The following GFRAL variants were observed in gnomAD, a reference collection of about 807,000 sequenced individuals.
The protein encoded by GFRAL is GDNF family receptor alpha-like.
In GFRAL, 36 loss-of-function variants were observed where a neutral mutation model predicts 45.4. That is an observed-to-expected ratio of 0.79 (90% confidence interval 0.61 to 1.05). The LOEUF is 1.05. GFRAL is among the 50% of genes least tolerant of loss of function. The pLI is 0.00. For synonymous variants in GFRAL, 166 were observed against 154.1 expected (o/e 1.08, Z -0.57); for missense variants, 507 against 467.5 (o/e 1.08, Z -0.78).
At chr6:55,343,143 C>A (rs139414899) in intron 3 of GFRAL, among the ~76,000 whole-genome samples, 1,988 of 152,216 alleles carry the variant, frequency 0.013, 23 homozygotes, top group Non-Finnish European at 0.022. Context: ...ACAAGGATAT[C>A]CAGGAATTGA....
chr6:55,336,004 GC>G (rs535440123), intron 3 of GFRAL, among the ~76,000 whole-genome samples: 51 of 152,092 alleles, frequency 3.4e-4, no homozygotes, highest in African/African-American at 1.2e-3. Flanking sequence ...GAGCATAGTG[GC>G]CCAATCTTCA....
At chr6:55,329,589 CAA>C (rs1767805426) in intron 1 of GFRAL, among the ~76,000 whole-genome samples, 1 of 152,056 alleles carries the variant, frequency 6.6e-6, no homozygotes, top group African/African-American at 2.4e-5. Flanking sequence ...GTGCTAGGAT[CAA>C]AAGAGTCCTC....
chr6:55,341,432 G>A (rs1767963952), intron 3 of GFRAL, among the ~76,000 whole-genome samples: 1 of 152,204 alleles, frequency 6.6e-6, no homozygotes, highest in African/African-American at 2.4e-5. Flanking sequence ...TGGACCTCCA[G>A]CAAAGTCCAA....
In GFRAL at chr6:55,401,924, C is replaced by T. The variant is rs12529201; in HGVS notation, c.*71C>T. ...TTTCTTCTTTCCTCTTTTCTTCTCT[C>T]CTCTCCTCTCCTCTCTTCTCCTCTC... On this transcript the variant is annotated 3_prime_UTR_variant, in exon 9 of 9. Transcript: ENST00000340465. The T allele has an allele frequency of 0.71, 586,899 of 832,166 alleles. 208,024 individuals carry two copies. Among genetic ancestry groups the T allele is most frequent in the East Asian group, 0.8 (31,647 of 39,442 alleles). The allele number at this position is 832,166 out of a possible 1,614,324, so 51.5% of individuals were successfully genotyped here.
chr6:55,378,216 G>A (rs1361792552), intron 6 of GFRAL, among the ~76,000 whole-genome samples: 1 of 151,962 alleles, frequency 6.6e-6, no homozygotes, highest in Non-Finnish European at 1.5e-5. Flanking sequence ...AGCACTCTTA[G>A]GTTGCAGCTG....
intron 2 of GFRAL, among the ~76,000 whole-genome samples, chr6:55,332,555 C>T (rs1015056950): frequency 2.0e-5 from 3 of 152,002 alleles, no homozygotes; most frequent in Non-Finnish European, 4.4e-5. Flanking sequence ...TCCAGAGTAG[C>T]TGGGACTACA....
intron 8 of GFRAL, among the ~76,000 whole-genome samples, chr6:55,400,018 T>C (rs1394214983): frequency 6.6e-6 from 1 of 152,170 alleles, no homozygotes; most frequent in Non-Finnish European, 1.5e-5. Context: ...AATGTAGTAA[T>C]GCTCCAGCAG....
intron 3 of GFRAL, among the ~76,000 whole-genome samples, chr6:55,335,825 C>G (rs1031264745): frequency 9.9e-5 from 15 of 152,112 alleles, no homozygotes; most frequent in African/African-American, 3.6e-4. Flanking sequence ...CACAGAAAGT[C>G]TTGAAATCAA....
At chr6:55,371,080 T>A (rs913565527) in intron 6 of GFRAL, among the ~76,000 whole-genome samples, 3 of 152,178 alleles carry the variant, frequency 2.0e-5, no homozygotes, top group African/African-American at 7.2e-5. Context: ...AATCCACAGA[T>A]ATATATTTTT....
At chr6:55,365,820 T>A (rs1409729042) in intron 6 of GFRAL, among the ~76,000 whole-genome samples, 5 of 146,826 alleles carry the variant, frequency 3.4e-5, no homozygotes, top group African/African-American at 1.3e-4. Context: ...AGCTTTTGGA[T>A]GTGCTGCTGG....
At chr6:55,379,097 T>G (rs1359265351) in intron 6 of GFRAL, among the ~76,000 whole-genome samples, 1 of 152,044 alleles carries the variant, frequency 6.6e-6, no homozygotes, top group African/African-American at 2.4e-5. Flanking sequence ...TGAGATTAAG[T>G]GTATAAAGTG....
At position 55,338,562 on chromosome 6, in the gene GFRAL, C is replaced by T. The variant is rs1452858002; in HGVS notation, c.316+4618C>T. ...TATACAATGTGATACAGTCTACACA[C>T]ATAATAAGGACACACACATACACAC... On this transcript the variant is annotated intron_variant, in intron 3 of 8. Coordinates refer to ENST00000340465, the MANE Select transcript of GFRAL (RefSeq NM_207410.2). Among the ~76,000 whole-genome samples, 10 of 152,084 alleles carry T rather than the reference C, an allele frequency of 6.6e-5. No homozygotes were observed. In the East Asian group the frequency reaches 1.7e-3, roughly 26 times the overall value.
chr6:55,328,636 G>C (rs1006937143), intron 1 of GFRAL, among the ~76,000 whole-genome samples: 8 of 151,626 alleles, frequency 5.3e-5, no homozygotes, highest in African/African-American at 1.5e-4. Flanking sequence ...TTGTGATAAA[G>C]AGAAATATAG....
At chr6:55,355,839 A>G (rs563507493) in intron 5 of GFRAL, among the ~76,000 whole-genome samples, 1 of 152,068 alleles carries the variant, frequency 6.6e-6, no homozygotes, top group African/African-American at 2.4e-5. Context: ...CCCATTTTAT[A>G]TGATACTAGC....
chr6:55,344,493 C>T (rs1214544691), intron 3 of GFRAL, among the ~76,000 whole-genome samples: 1 of 152,182 alleles, frequency 6.6e-6, no homozygotes, highest in Non-Finnish European at 1.5e-5. Flanking sequence ...TTAAACAACG[C>T]TTCATGCTAA....
intron 6 of GFRAL, among the ~76,000 whole-genome samples, chr6:55,393,479 C>T (rs952696893): frequency 1.3e-5 from 2 of 152,106 alleles, no homozygotes; most frequent in African/African-American, 4.8e-5. Context: ...GATGGTTCTA[C>T]TTGAGTAAAA....
chr6:55,375,532 A>G (rs1023915831), intron 6 of GFRAL, among the ~76,000 whole-genome samples: 4 of 152,118 alleles, frequency 2.6e-5, no homozygotes, highest in African/African-American at 7.2e-5. Flanking sequence ...GGCTCAGTCA[A>G]TGGTGTTCCC....
intron 6 of GFRAL, among the ~76,000 whole-genome samples, chr6:55,360,041 G>A (rs61088863): frequency 0.16 from 25,060 of 151,910 alleles, 2,381 homozygotes; most frequent in African/African-American, 0.25. Flanking sequence ...CATATTTTCC[G>A]AAGTTATTGT....
chr6:55,337,376 T>C (rs1347373554), intron 3 of GFRAL, among the ~76,000 whole-genome samples: 4 of 137,650 alleles, frequency 2.9e-5, no homozygotes, highest in African/African-American at 1.1e-4. Flanking sequence ...TGATTTGTTT[T>C]CTTATAATGT....
Sources: allele counts gnomAD v4.1 joint callset (sites outside exome capture counted in the v4.1 genomes callset), GRCh38; gene constraint gnomAD v4.1.1; transcripts MANE v1.5; gene names NCBI Gene and HGNC (gene_info 2026-07-23, HGNC 2026-07-21).